The following WIPF1 variants were observed in gnomAD, a reference collection of about 807,000 sequenced individuals.
WIPF1 encodes the protein WAS/WASL interacting protein family member 1.
In WIPF1, 13 loss-of-function variants were observed where a neutral mutation model predicts 35.4. That is an observed-to-expected ratio of 0.37 (90% CI 0.24 to 0.58). WIPF1 has a LOEUF of 0.58. Ranked by LOEUF, WIPF1 falls within the 20% of genes least tolerant of loss-of-function variation. The probability of loss-of-function intolerance (pLI) is 0.74; values close to 1 mark genes in which losing one functional copy is unlikely to be tolerated. For synonymous variants in WIPF1, 267 were observed against 266.3 expected, an observed-to-expected ratio of 1.00 and a Z score of -0.02; for missense variants, 591 against 667.0, an observed-to-expected ratio of 0.89 and a Z score of 1.25.
chr2:174,567,170 G>A lies in WIPF1; in HGVS notation c.1356C>T (p.Ser452=). Residue 452 remains serine (S), a synonymous_variant, in exon 7 of 8, where the codon AGC becomes AGT. Coordinates refer to ENST00000679041, the MANE Select transcript of WIPF1 (RefSeq NM_001375834.1). ...QDSPCEDEWE[S]RFYFHPISDL... ...CGGAAATCGGATGGAAGTAGAATCTGCTTTCCCACTCATCTGGGAAGAGAA... is the reference window on the plus strand; with the variant it reads ...CGGAAATCGGATGGAAGTAGAATCTACTTTCCCACTCATCTGGGAAGAGAA... The A allele has an allele frequency of 6.2e-7, 1 of 1,614,150 alleles. No individual in the cohort carries two copies. Among genetic ancestry groups the A allele is most frequent in the African/African-American group, 1.3e-5 (1 of 75,052 alleles).
intron 3 of WIPF1, among the ~76,000 whole-genome samples, chr2:174,579,684 T>C (rs1013782005): frequency 6.6e-6 from 1 of 152,200 alleles, no homozygotes; most frequent in Non-Finnish European, 1.5e-5. Flanking sequence ...AGAATACAAT[T>C]CTTCAAGGTT....
At chr2:174,564,830 C>CAA (rs1313276582) in intron 7 of WIPF1, among the ~76,000 whole-genome samples, 1 of 151,226 alleles carries the variant, frequency 6.6e-6, no homozygotes, top group Non-Finnish European at 1.5e-5. Context: ...CACACACACA[C>CAA]ACACACACAC....
At chr2:174,598,177 T>C (rs1685880491), upstream of WIPF1, 1 of 152,232 alleles carries the variant, frequency 6.6e-6, no homozygotes, top group South Asian at 2.1e-4. Flanking sequence ...CTACCTTACC[T>C]TATCGCTTCA....
chr2:174,587,351 A>G (rs1685458007), intron 1 of WIPF1: 1 of 152,184 alleles, frequency 6.6e-6, no homozygotes, highest in Non-Finnish European at 1.5e-5. Context: ...ATTGCAAAAA[A>G]CAATTTCTTA....
chr2:174,664,776 T>C (rs1411309174), intron 1 of WIPF1, among the ~76,000 whole-genome samples: 1 of 152,138 alleles, frequency 6.6e-6, no homozygotes, highest in African/African-American at 2.4e-5. Flanking sequence ...TAACCTGAAC[T>C]CTTCTGGGTC....
intron 1 of WIPF1, among the ~76,000 whole-genome samples, chr2:174,672,361 T>C (rs1268676952): frequency 6.6e-6 from 1 of 152,214 alleles, no homozygotes. Context: ...AAATTCCATT[T>C]CCACAAATAC....
upstream of WIPF1, among the ~76,000 whole-genome samples, chr2:174,598,373 G>A (rs191480384): frequency 1.3e-3 from 199 of 152,166 alleles, 3 homozygotes; most frequent in East Asian, 1.9e-3. Context: ...GTGCAGTGGC[G>A]TAATCATAGC....
chr2:174,664,552 G>A (rs949701332), intron 1 of WIPF1, among the ~76,000 whole-genome samples: 3 of 152,236 alleles, frequency 2.0e-5, no homozygotes, highest in African/African-American at 7.2e-5. Context: ...AGTTTCAAAT[G>A]AGCAGTAGGG....
At chr2:174,601,142 G>A (rs535595505), upstream of WIPF1, among the ~76,000 whole-genome samples, 2 of 152,052 alleles carry the variant, frequency 1.3e-5, no homozygotes, top group South Asian at 4.2e-4. Flanking sequence ...GGCCAGGCTG[G>A]TCTCCAACTC....
intron 1 of WIPF1, among the ~76,000 whole-genome samples, chr2:174,616,968 GATTTTTTTTTC>G (rs545929385): frequency 6.0e-5 from 9 of 151,188 alleles, no homozygotes; most frequent in Non-Finnish European, 1.0e-4. Context: ...TGATTTATTT[GATTTTTTTTTC>G]ATTTTTTTTA....
chr2:174,575,389 G>C lies in WIPF1; in HGVS notation c.182-9C>G, dbSNP rs779750039. Reference sequence around the variant, plus strand: ...ACCAGCTCCTTTAGGTTCTGTAGAAGAAGAGACACCCGACAGACTATGCCC... The same window carrying C: ...ACCAGCTCCTTTAGGTTCTGTAGAACAAGAGACACCCGACAGACTATGCCC... On this transcript the variant is annotated splice_polypyrimidine_tract_variant and intron_variant, in intron 3 of 7. Transcript: ENST00000679041. 6.2e-7 allele frequency: 1 copy of C among 1,602,482 alleles called. No homozygotes were observed. The highest frequency in any genetic ancestry group is 8.5e-7 in the Non-Finnish European group (1 of 1,173,686).
At chr2:174,615,049 G>T (rs1192008198) in intron 1 of WIPF1, among the ~76,000 whole-genome samples, 1 of 152,196 alleles carries the variant, frequency 6.6e-6, no homozygotes, top group Non-Finnish European at 1.5e-5. Flanking sequence ...TCTGGATTCT[G>T]TGACATGTAT....
At chr2:174,575,420 T>C in intron 3 of WIPF1, 40 bp from the exon 4 acceptor site, 1 of 1,562,354 alleles carries the variant, frequency 6.4e-7, no homozygotes, top group Non-Finnish European at 8.7e-7. Flanking sequence ...TGCCCCCTGG[T>C]CTGGCCCAGG....
At chr2:174,578,330 A>G (rs1224240333) in intron 3 of WIPF1, among the ~76,000 whole-genome samples, 1 of 152,236 alleles carries the variant, frequency 6.6e-6, no homozygotes, top group Non-Finnish European at 1.5e-5. Flanking sequence ...TTTCATTACA[A>G]TTATTAGACA....
At chr2:174,648,231 T>G (rs1008827205) in intron 1 of WIPF1, among the ~76,000 whole-genome samples, 4 of 152,186 alleles carry the variant, frequency 2.6e-5, no homozygotes, top group Non-Finnish European at 5.9e-5. Flanking sequence ...TTATTTTGTT[T>G]GCCTTCAATC....
At chr2:174,629,218 GTCTC>G (rs1228670158) in intron 1 of WIPF1, among the ~76,000 whole-genome samples, 2 of 152,136 alleles carry the variant, frequency 1.3e-5, no homozygotes, top group Admixed American at 6.6e-5. Context: ...AACATAGTGA[GTCTC>G]TCTCTATCAA....
intron 1 of WIPF1, among the ~76,000 whole-genome samples, chr2:174,647,078 CTTTCCTAAA>C (rs138216830): frequency 6.4e-4 from 97 of 152,296 alleles, no homozygotes; most frequent in African/African-American, 2.3e-3. Context: ...GAAGCACATA[CTTTCCTAAA>C]TTTGGAAGAG....
chr2:174,583,706 A>G (rs148356373), intron 2 of WIPF1, among the ~76,000 whole-genome samples: 109 of 152,288 alleles, frequency 7.2e-4, no homozygotes, highest in African/African-American at 2.4e-3. Context: ...AATATTTTTT[A>G]TTAAGTCAGT....
At chr2:174,652,512 T>C (rs957238682) in intron 1 of WIPF1, among the ~76,000 whole-genome samples, 4 of 152,218 alleles carry the variant, frequency 2.6e-5, no homozygotes, top group Non-Finnish European at 5.9e-5. Context: ...TTGTCTATCT[T>C]TGGCCCTTTA....
Sources: allele counts gnomAD v4.1 joint callset (sites outside exome capture counted in the v4.1 genomes callset), GRCh38; gene constraint gnomAD v4.1.1; transcripts MANE v1.5; gene names NCBI Gene and HGNC (gene_info 2026-07-23, HGNC 2026-07-21).